The following DPP8 variants were observed in gnomAD, a reference collection of about 807,000 sequenced individuals.
The protein encoded by DPP8 is DPP VIII.
DPP8 carries 31 observed loss-of-function variants against 107.5 expected under a neutral mutation model. The ratio of observed to expected loss-of-function variants is 0.29; its 90% CI spans 0.22 to 0.39. The LOEUF is 0.39. Ranked by LOEUF, DPP8 falls within the 10% of genes least tolerant of loss-of-function variation. DPP8 has a pLI of 1.00. For synonymous variants in DPP8, 381 were observed against 356.6 expected, an observed-to-expected ratio of 1.07 and a Z score of -0.77; for missense variants, 842 against 1,076.1, an observed-to-expected ratio of 0.78 and a Z score of 3.04.
At position 65,474,060 on chromosome 15, in the gene DPP8, C is replaced by A. The variant is rs543669372; in HGVS notation, c.1536+149G>T. ...TGGAAGTTGTAGTGAGCCGAGATCA[C>A]CCCATTGCACTCCAGCCCTAGGCGA... On this transcript the variant is annotated intron_variant, in intron 12 of 19. Coordinates refer to ENST00000300141, the MANE Select transcript of DPP8 (RefSeq NM_130434.5). 3 of 612,028 alleles carry A rather than the reference C, an allele frequency of 4.9e-6. No homozygotes were observed. In the African/African-American group the frequency reaches 5.5e-5, roughly 11 times the overall value. 37.9% of individuals were successfully genotyped at this position (612,028 alleles called of 1,614,324 possible). A position where few individuals can be genotyped will look rare whatever the true frequency, so the allele number is the denominator to read the frequency against.
intron 1 of DPP8, among the ~76,000 whole-genome samples, chr15:65,515,376 T>C (rs1426895619): frequency 1.3e-5 from 2 of 152,188 alleles, no homozygotes; most frequent in African/African-American, 4.8e-5. Flanking sequence ...TGTACAAACA[T>C]TGTACAGTCC....
At chr15:65,514,394 T>G (rs1352566622) in intron 1 of DPP8, among the ~76,000 whole-genome samples, 1 of 152,208 alleles carries the variant, frequency 6.6e-6, no homozygotes, top group Non-Finnish European at 1.5e-5. Context: ...TTACTGACAG[T>G]ATAAGACTGT....
intron 4 of DPP8, 139 bp downstream of exon 4, chr15:65,500,467 C>T: frequency 1.5e-6 from 1 of 656,060 alleles, no homozygotes; most frequent in Non-Finnish European, 2.6e-6. Flanking sequence ...CTCCATGTTT[C>T]TTGTTTTCAT....
intron 1 of DPP8, among the ~76,000 whole-genome samples, chr15:65,515,452 G>C (rs560131798): frequency 4.7e-4 from 72 of 152,186 alleles, no homozygotes; most frequent in African/African-American, 1.6e-3. Context: ...AAATATACCT[G>C]ATATTATATA....
intron 12 of DPP8, among the ~76,000 whole-genome samples, chr15:65,470,274 A>G (rs1464522137): frequency 6.6e-6 from 1 of 151,512 alleles, no homozygotes; most frequent in East Asian, 1.9e-4. Flanking sequence ...AAAAGTAGAG[A>G]AGGAAAAAGG....
At chr15:65,490,012 C>G (rs1161089543) in intron 6 of DPP8, among the ~76,000 whole-genome samples, 177 bp downstream of exon 6, 1 of 152,188 alleles carries the variant, frequency 6.6e-6, no homozygotes, top group East Asian at 1.9e-4. Flanking sequence ...AGCCACTGTG[C>G]CCAGCCTAAT....
At chr15:65,494,902 T>C (rs1304167211) in intron 5 of DPP8, among the ~76,000 whole-genome samples, 1 of 152,160 alleles carries the variant, frequency 6.6e-6, no homozygotes, top group African/African-American at 2.4e-5. Context: ...GCTTTGGTGT[T>C]CCTGTCTCTA....
chr15:65,478,692 A>G (rs2066626494), intron 11 of DPP8, among the ~76,000 whole-genome samples, 188 bp downstream of exon 11: 1 of 152,246 alleles, frequency 6.6e-6, no homozygotes, highest in African/African-American at 2.4e-5. Flanking sequence ...AATACGTGTC[A>G]ATCCATTAAG....
chr15:65,508,870 T>C (rs1434208757), intron 2 of DPP8, among the ~76,000 whole-genome samples: 5 of 150,448 alleles, frequency 3.3e-5, no homozygotes, highest in Non-Finnish European at 5.9e-5. Flanking sequence ...AAAAGGGGTA[T>C]TGCTTCCAAA....
Position 65,506,978 on chromosome 15 carries a change from A to C in DPP8, c.372+265T>G, listed in dbSNP as rs114567033. On this transcript the variant is annotated intron_variant, in intron 3 of 19. Transcript: ENST00000300141. ...TTCTTTTCTGTGAACAACTCCTTTAAAAAATGTGAGAACTACGTAAGTACA... is the reference window on the plus strand; with the variant it reads ...TTCTTTTCTGTGAACAACTCCTTTACAAAATGTGAGAACTACGTAAGTACA... 3.4e-3 allele frequency among the ~76,000 whole-genome samples: 522 copies of C among 152,164 alleles called. 3 individuals carry two copies. The highest frequency in any genetic ancestry group is 0.012 in the African/African-American group (503 of 41,542).
Position 65,478,954 on chromosome 15 carries a change from C to T in DPP8, c.1382G>A (p.Arg461His), listed in dbSNP as rs1214282818. The change falls in exon 11 of 20, where the codon CGT becomes CAT. Residue 461 changes from arginine to histidine, a missense_variant. Around this residue, in one of 2 missense-constraint regions of DPP8, gnomAD observed 663 missense variants for 758.0 expected, o/e 0.87. Transcript: ENST00000300141. ...IFASECKTGF[R>H]HLYKITSILK... ...AATAGATGTAATTTTGTATAAATGA[C>T]GGAAACCTGTTTTGCATTCAGAGGC... The T allele has an allele frequency of 6.3e-7, 1 of 1,594,244 alleles. No individual in the cohort carries two copies.
At chr15:65,483,592 A>C (rs1355235043) in intron 8 of DPP8, among the ~76,000 whole-genome samples, 7 of 60,808 alleles carry the variant, frequency 1.2e-4, no homozygotes, top group African/African-American at 3.0e-4. Context: ...CAAACAATAA[A>C]ATAAAATAAA....
chr15:65,483,156 T>C (rs1444374194), intron 8 of DPP8, among the ~76,000 whole-genome samples: 1 of 151,398 alleles, frequency 6.6e-6, no homozygotes, highest in Non-Finnish European at 1.5e-5. Flanking sequence ...CTATAGTAAA[T>C]ATAATGGACA....
chr15:65,483,617 A>AACATAACATAACATAACATAAC (rs1567219431), intron 8 of DPP8, among the ~76,000 whole-genome samples: 2 of 151,050 alleles, frequency 1.3e-5, no homozygotes, highest in African/African-American at 4.8e-5. Context: ...AATAAAATAA[A>AACATAACATAACATAACATAAC]ATAAAATAAA....
In DPP8 at chr15:65,453,544, G is replaced by A. The variant is rs1220375169; in HGVS notation, c.2271+719C>T. 2.0e-5 allele frequency among the ~76,000 whole-genome samples: 3 copies of A among 152,042 alleles called. No homozygotes were observed. The East Asian group carries it at 5.8e-4, about 29-fold the overall frequency. ...AGCACTTTGGGAGGCCAAGGCAGAG[G>A]GATCACTTCAGGTCAGGAGTTCAAG... is the stretch of plus-strand genomic sequence containing the variant. On this transcript the variant is annotated intron_variant, in intron 17 of 19. Transcript: ENST00000300141.
intron 8 of DPP8, among the ~76,000 whole-genome samples, 169 bp from the exon 9 acceptor site, chr15:65,481,784 T>C (rs1035254249): frequency 1.1e-4 from 16 of 152,256 alleles, no homozygotes; most frequent in Admixed American, 5.9e-4. Flanking sequence ...GGGTTACCTA[T>C]ACTGGTACTT....
At chr15:65,494,929 T>C (rs1267618962) in intron 5 of DPP8, among the ~76,000 whole-genome samples, 2 of 152,138 alleles carry the variant, frequency 1.3e-5, no homozygotes, top group Non-Finnish European at 2.9e-5. Flanking sequence ...CTTCTCAAAT[T>C]TAACCTCCAC....
Position 65,454,339 on chromosome 15 carries a change from C to A in DPP8, c.2195G>T (p.Arg732Leu). The change falls in exon 17 of 20, where the codon CGT becomes CTT. Residue 732 changes from arginine (R) to leucine (L), a missense_variant. Transcript: ENST00000300141. ...ATAGGACCAGCCGTGGATGCCCACACGATCTAAGTCAATGAAATCATATCG... is the reference window on the plus strand; with the variant it reads ...ATAGGACCAGCCGTGGATGCCCACAAGATCTAAGTCAATGAAATCATATCG... ...ASRYDFIDLD[R>L]VGIHGWSYGG... 1.2e-6 allele frequency: 2 copies of A among 1,603,894 alleles called. No individual in the cohort carries two copies. Among genetic ancestry groups the A allele is most frequent in the Non-Finnish European group, 1.7e-6 (2 of 1,176,600 alleles).
chr15:65,501,555 T>C (rs1441246761), intron 3 of DPP8, among the ~76,000 whole-genome samples: 1 of 152,198 alleles, frequency 6.6e-6, no homozygotes, highest in Non-Finnish European at 1.5e-5. Flanking sequence ...TATATCAGCT[T>C]TGTGAAGATT....
Sources: gnomAD v4.1 joint callset for allele counts (sites outside exome capture counted in the v4.1 genomes callset) on GRCh38, gnomAD v4.1.1 for gene constraint, gnomAD v4.1.1 regional missense constraint, MANE v1.5 for transcripts, NCBI Gene and HGNC (gene_info 2026-07-23, HGNC 2026-07-21) for gene names.